Variants in GALNT13 observed in about 807,000 individuals in gnomAD.
GALNT13 encodes UDP-GalNAc:polypeptide N-acetylgalactosaminyltransferase 13.
A neutral mutation model predicts 64.2 loss-of-function variants in GALNT13; 28 were observed. That is an observed-to-expected ratio of 0.44 (90% CI 0.32 to 0.60). The LOEUF (loss-of-function observed/expected upper bound fraction) is 0.60. GALNT13 is among the 20% of genes least tolerant of loss of function. The pLI is 0.05. For synonymous variants in GALNT13, 214 were observed against 224.6 expected (o/e 0.95, Z 0.42); for missense variants, 577 against 669.8 (o/e 0.86, Z 1.53).
At chr2:153,422,344 G>C in the GALNT13 span, among the ~76,000 whole-genome samples, 1 of 152,304 alleles carries the variant, frequency 6.6e-6, no homozygotes, top group East Asian at 1.9e-4. Flanking sequence ...GATGAGAATA[G>C]AAGATTTTTA....
At chr2:153,639,729 C>T in the GALNT13 span, among the ~76,000 whole-genome samples, 1 of 152,052 alleles carries the variant, frequency 6.6e-6, no homozygotes. Flanking sequence ...TAGTTTTAAA[C>T]TGATTTTAGT....
intron 8 of GALNT13, among the ~76,000 whole-genome samples, chr2:154,290,721 C>T (rs1045388918): frequency 5.3e-5 from 8 of 152,164 alleles, no homozygotes; most frequent in Non-Finnish European, 8.8e-5. Context: ...AATGAAGCTG[C>T]GGACCCTTGC....
At chr2:153,824,736 T>C in the GALNT13 span, among the ~76,000 whole-genome samples, 3 of 152,114 alleles carry the variant, frequency 2.0e-5, no homozygotes, top group Admixed American at 6.5e-5. Context: ...TGGGAGGTGA[T>C]TGGATCATGG....
chr2:153,725,906 A>G, the GALNT13 span, among the ~76,000 whole-genome samples: 1 of 152,172 alleles, frequency 6.6e-6, no homozygotes, highest in African/African-American at 2.4e-5. Context: ...CAGTTATCTT[A>G]ATTAGTATAA....
chr2:153,595,919 G>A, the GALNT13 span, among the ~76,000 whole-genome samples: 1 of 152,172 alleles, frequency 6.6e-6, no homozygotes, highest in Non-Finnish European at 1.5e-5. Context: ...AATATTTAAT[G>A]GCTTAAAACA....
the GALNT13 span, among the ~76,000 whole-genome samples, chr2:153,803,030 G>C: frequency 6.6e-6 from 1 of 152,144 alleles, no homozygotes; most frequent in Non-Finnish European, 1.5e-5. Flanking sequence ...ACACAAATTA[G>C]ATTTAATATT....
chr2:153,850,611 C>G, the GALNT13 span, among the ~76,000 whole-genome samples: 1 of 152,122 alleles, frequency 6.6e-6, no homozygotes, highest in East Asian at 1.9e-4. Context: ...AGACATGAAT[C>G]ATGGTTAGTA....
intron 4 of GALNT13, among the ~76,000 whole-genome samples, chr2:154,192,254 C>T (rs1686631775): frequency 6.6e-6 from 1 of 152,168 alleles, no homozygotes; most frequent in Non-Finnish European, 1.5e-5. Context: ...CGCTTGTGTG[C>T]CTGCCCGCTA....
chr2:153,755,348 G>A, the GALNT13 span, among the ~76,000 whole-genome samples: 4 of 151,960 alleles, frequency 2.6e-5, no homozygotes, highest in South Asian at 4.2e-4. Flanking sequence ...CATAATGGCT[G>A]TACTAATTTG....
chr2:153,407,790 G>A, the GALNT13 span, among the ~76,000 whole-genome samples: 5 of 152,190 alleles, frequency 3.3e-5, no homozygotes, highest in Non-Finnish European at 4.4e-5. Flanking sequence ...CTCTAAAGAT[G>A]TGTCTTTCTG....
intron 3 of GALNT13, among the ~76,000 whole-genome samples, chr2:153,954,614 A>G (rs1264551640): frequency 6.7e-6 from 1 of 149,538 alleles, no homozygotes; most frequent in Non-Finnish European, 1.5e-5. Flanking sequence ...CTATAATAAT[A>G]ATTTATTATA....
chr2:153,223,998 C>A, the GALNT13 span, among the ~76,000 whole-genome samples: 23 of 151,768 alleles, frequency 1.5e-4, no homozygotes, highest in African/African-American at 4.1e-4. Flanking sequence ...AAATAAATAA[C>A]TAAAAATGTA....
At chr2:153,524,261 A>G in the GALNT13 span, among the ~76,000 whole-genome samples, 2 of 151,862 alleles carry the variant, frequency 1.3e-5, no homozygotes, top group South Asian at 4.2e-4. Flanking sequence ...ATTGGTTAAT[A>G]GTATTCTTGT....
rs145170712 is a variant in GALNT13, at chr2:153,986,036, T to A, written c.142+41397T>A. On this transcript the variant is annotated intron_variant, in intron 3 of 12. Transcript: ENST00000392825. Reference sequence around the variant, plus strand: ...GTATCTACAAGAAGTATGAAATTGCTAGATAGTATTATCAGTGATGAGGTA... The same window carrying A: ...GTATCTACAAGAAGTATGAAATTGCAAGATAGTATTATCAGTGATGAGGTA... Among the ~76,000 whole-genome samples, 367 of 152,208 alleles carry A rather than the reference T, an allele frequency of 2.4e-3. 9 individuals are homozygous for A. The East Asian group carries it at 0.055, about 23-fold the overall frequency.
chr2:153,174,512 A>G, the GALNT13 span, among the ~76,000 whole-genome samples: 1 of 151,728 alleles, frequency 6.6e-6, no homozygotes, highest in Non-Finnish European at 1.5e-5. Flanking sequence ...GAATTTTCCA[A>G]ATCCACAAGT....
intron 4 of GALNT13, among the ~76,000 whole-genome samples, chr2:154,232,065 A>AGG (rs1688946741): frequency 6.6e-6 from 1 of 151,952 alleles, no homozygotes; most frequent in Non-Finnish European, 1.5e-5. Context: ...AGAGAGAGAG[A>AGG]GAAGCCCAGT....
chr2:153,630,791 ATATATATATATATATAT>A, the GALNT13 span, among the ~76,000 whole-genome samples: 90 of 13,112 alleles, frequency 6.9e-3, 3 homozygotes, highest in South Asian at 0.18. Flanking sequence ...ATATATATAT[ATATATATATATATATAT>A]TTTTTTTTTT....
the GALNT13 span, among the ~76,000 whole-genome samples, chr2:153,793,211 A>T: frequency 6.6e-6 from 1 of 151,694 alleles, no homozygotes; most frequent in Admixed American, 6.6e-5. Context: ...TGACCTTGTG[A>T]TCCACCTGTC....
At chr2:154,067,316 A>G (rs1280244028) in intron 3 of GALNT13, among the ~76,000 whole-genome samples, 1 of 152,076 alleles carries the variant, frequency 6.6e-6, no homozygotes, top group Non-Finnish European at 1.5e-5. Context: ...TAAATGGACT[A>G]AACTCTCCAA....
Sources: gnomAD v4.1 joint callset for allele counts (sites outside exome capture counted in the v4.1 genomes callset) on GRCh38, gnomAD v4.1.1 for gene constraint, MANE v1.5 for transcripts, NCBI Gene and HGNC (gene_info 2026-07-23, HGNC 2026-07-21) for gene names.